The following BMAL1 variants were observed in gnomAD, a reference collection of about 807,000 sequenced individuals.
BMAL1 encodes the protein basic helix-loop-helix ARNT like 1.
the BMAL1 span, among the ~76,000 whole-genome samples, chr11:13,316,027 T>A: frequency 6.6e-6 from 1 of 152,210 alleles, no homozygotes; most frequent in Non-Finnish European, 1.5e-5. Context: ...TTCTGCCCAC[T>A]CCCTTTGCCC....
chr11:13,352,671 T>C, the BMAL1 span, among the ~76,000 whole-genome samples: 1 of 152,196 alleles, frequency 6.6e-6, no homozygotes, highest in Admixed American at 6.5e-5. Context: ...CAAGGAAATA[T>C]ATGCACAAAG....
At chr11:13,300,030 A>G in the BMAL1 span, among the ~76,000 whole-genome samples, 8 of 152,086 alleles carry the variant, frequency 5.3e-5, no homozygotes, top group African/African-American at 9.7e-5. Context: ...CCCATTCCTC[A>G]TGGCTGTTTG....
the BMAL1 span, among the ~76,000 whole-genome samples, chr11:13,347,959 G>C: frequency 6.6e-6 from 1 of 152,220 alleles, no homozygotes; most frequent in Non-Finnish European, 1.5e-5. Context: ...TGAGGCACGA[G>C]ATCAGGCACA....
the BMAL1 span, among the ~76,000 whole-genome samples, chr11:13,327,644 C>A: frequency 1.6e-4 from 24 of 152,280 alleles, no homozygotes; most frequent in Admixed American, 5.9e-4. Flanking sequence ...TGTGTAAGAG[C>A]TTGGACAATT....
the BMAL1 span, among the ~76,000 whole-genome samples, chr11:13,375,151 C>T: frequency 6.6e-6 from 1 of 152,216 alleles, no homozygotes; most frequent in Non-Finnish European, 1.5e-5. Context: ...CAGTGCCTGG[C>T]ACATGAGAAG....
the BMAL1 span, among the ~76,000 whole-genome samples, chr11:13,325,913 T>C: frequency 1.7e-4 from 25 of 151,202 alleles, no homozygotes; most frequent in Middle Eastern, 3.4e-3. Flanking sequence ...GGGGAAAGAG[T>C]AGAACAAGGG....
At chr11:13,340,737 G>A in the BMAL1 span, among the ~76,000 whole-genome samples, 79 of 152,224 alleles carry the variant, frequency 5.2e-4, no homozygotes, top group African/African-American at 1.8e-3. Flanking sequence ...CCATCTCTGA[G>A]TTCTTGTATC....
chr11:13,372,032 C>T, the BMAL1 span: 65 of 1,277,106 alleles, frequency 5.1e-5, no homozygotes, highest in Non-Finnish European at 2.2e-6. Context: ...TAGATGCTTA[C>T]TTCTGGAGAG....
At chr11:13,365,000 T>C in the BMAL1 span, among the ~76,000 whole-genome samples, 1 of 152,062 alleles carries the variant, frequency 6.6e-6, no homozygotes, top group African/African-American at 2.4e-5. Context: ...CAAAAAACAC[T>C]GCTCCGAATG....
chr11:13,381,135 G>C, the BMAL1 span: 2 of 1,607,552 alleles, frequency 1.2e-6, no homozygotes, highest in South Asian at 1.1e-5. Flanking sequence ...AAAAAGAAAA[G>C]GCAGTGTAAT....
chr11:13,321,659 G>T, the BMAL1 span, among the ~76,000 whole-genome samples: 421 of 152,220 alleles, frequency 2.8e-3, 3 homozygotes, highest in African/African-American at 9.0e-3. Context: ...AGCTGCTCAG[G>T]TACTTTCCTA....
the BMAL1 span, among the ~76,000 whole-genome samples, chr11:13,351,726 G>A: frequency 6.6e-6 from 1 of 152,352 alleles, no homozygotes; most frequent in Non-Finnish European, 1.5e-5. Context: ...GAGACAGTGA[G>A]AAGGGCGAGG....
the BMAL1 span, chr11:13,366,854 G>GC: frequency 1.6e-6 from 2 of 1,244,104 alleles, no homozygotes; most frequent in African/African-American, 1.5e-5. Context: ...TGAGCAGAGG[G>GC]CGGGTGTGTG....
At chr11:13,334,863 G>A in the BMAL1 span, among the ~76,000 whole-genome samples, 1 of 152,228 alleles carries the variant, frequency 6.6e-6, no homozygotes, top group Non-Finnish European at 1.5e-5. Context: ...TTTGCTTCCT[G>A]TGCTCTGGGA....
At chr11:13,334,282 A>G in the BMAL1 span, among the ~76,000 whole-genome samples, 1 of 152,216 alleles carries the variant, frequency 6.6e-6, no homozygotes, top group Non-Finnish European at 1.5e-5. Flanking sequence ...TGCCAAAAAT[A>G]AGCCCATGGT....
the BMAL1 span, chr11:13,381,221 T>C: frequency 1.9e-6 from 3 of 1,614,054 alleles, no homozygotes; most frequent in Non-Finnish European, 2.5e-6. Context: ...CGAGTACGCC[T>C]CCCCCTGATG....
chr11:13,346,152 AT>A, the BMAL1 span, among the ~76,000 whole-genome samples: 1 of 152,248 alleles, frequency 6.6e-6, no homozygotes, highest in Admixed American at 6.5e-5. Context: ...ATTGACAGTC[AT>A]GGGCACAGAC....
chr11:13,326,906 G>GC, the BMAL1 span, among the ~76,000 whole-genome samples: 1 of 151,846 alleles, frequency 6.6e-6, no homozygotes, highest in Non-Finnish European at 1.5e-5. Context: ...TGCAAGCTCT[G>GC]CTTCCCGGGT....
chr11:13,381,335 C>CA, the BMAL1 span: 1 of 1,343,772 alleles, frequency 7.4e-7, no homozygotes, highest in Non-Finnish European at 1.1e-6. Context: ...TATGGAATTG[C>CA]AACTGCGATT....
Sources: allele counts gnomAD v4.1 joint callset (sites outside exome capture counted in the v4.1 genomes callset), GRCh38; gene constraint gnomAD v4.1.1; transcripts MANE v1.5; gene names NCBI Gene and HGNC (gene_info 2026-07-23, HGNC 2026-07-21).